Variants in MAEL observed in about 807,000 individuals in gnomAD.
MAEL encodes the protein maelstrom spermatogenic transposon silencer.
In MAEL, 46 loss-of-function variants were observed where a neutral mutation model predicts 62.0. That is an observed-to-expected ratio of 0.74 (90% CI 0.59 to 0.95). The LOEUF (loss-of-function observed/expected upper bound fraction) is 0.95. Ranked by LOEUF, MAEL falls within the 40% of genes least tolerant of loss-of-function variation. MAEL has a pLI of 0.00. For synonymous variants in MAEL, 172 were observed against 175.5 expected (o/e 0.98, Z 0.16); for missense variants, 497 against 526.8 (o/e 0.94, Z 0.55).
Position 166,989,670 on chromosome 1 carries a change from C to T in MAEL, c.133-67C>T, listed in dbSNP as rs1350119235. 2.6e-6 allele frequency: 4 copies of T among 1,518,168 alleles called. No homozygotes were observed. The East Asian group carries it at 6.8e-5, about 26-fold the overall frequency. The allele number at this position is 1,518,168 out of a possible 1,614,324, so 94.0% of individuals were successfully genotyped here. ...CCTCCCTGTAATGCCCCAGCATCTG[C>T]CTGCGGGCCCTAGAGCACGGGATCC... On this transcript the variant is annotated intron_variant, in intron 1 of 11. Coordinates refer to ENST00000367872, the MANE Select transcript of MAEL (RefSeq NM_032858.3).
At chr1:166,988,348 TAAAAAAAAAAAA>T (rs71073633), upstream of MAEL, among the ~76,000 whole-genome samples, 2 of 93,102 alleles carry the variant, frequency 2.1e-5, no homozygotes, top group Non-Finnish European at 4.3e-5. Context: ...AGACCCTGTC[TAAAAAAAAAAAA>T]AAAAAAAAAA....
upstream of MAEL, among the ~76,000 whole-genome samples, chr1:166,985,754 T>C (rs1239373041): frequency 6.6e-6 from 1 of 152,140 alleles, no homozygotes; most frequent in African/African-American, 2.4e-5. Context: ...AAATTTACAA[T>C]GACCAGCATC....
At chr1:167,020,115 G>C (rs531229574) in intron 10 of MAEL, among the ~76,000 whole-genome samples, 1 of 152,116 alleles carries the variant, frequency 6.6e-6, no homozygotes, top group South Asian at 2.1e-4. Flanking sequence ...TGCCTCCACT[G>C]TTTTATACTC....
At chr1:166,977,908 G>C (rs892668528) in intron 1 of MAEL, among the ~76,000 whole-genome samples, 41 of 152,294 alleles carry the variant, frequency 2.7e-4, no homozygotes, top group East Asian at 1.9e-3. Flanking sequence ...CTGTGACCAC[G>C]CTACTGGACT....
At position 166,992,674 on chromosome 1, in the gene MAEL, ATT is replaced by A. The variant is rs556247489; in HGVS notation, c.326-4_326-3del. 2.6e-6 allele frequency: 4 copies of A among 1,531,804 alleles called. No individual in the cohort carries two copies. Among genetic ancestry groups the A allele is most frequent in the Non-Finnish European group, 3.5e-6 (4 of 1,138,734 alleles). 94.9% of individuals were successfully genotyped at this position (1,531,804 alleles called of 1,614,324 possible). Reference sequence around the variant, plus strand: ...ATTCATTTATTCATTTTATCTTACAATTTTTTTTTAGCTCTCCTTGGAGGCAT... The same window carrying A: ...ATTCATTTATTCATTTTATCTTACAATTTTTTTAGCTCTCCTTGGAGGCAT... On this transcript the variant is annotated splice_polypyrimidine_tract_variant and intron_variant, in intron 3 of 11. Transcript: ENST00000367872.
intron 10 of MAEL, among the ~76,000 whole-genome samples, chr1:167,020,403 A>G (rs1325458311): frequency 6.6e-6 from 1 of 152,160 alleles, no homozygotes; most frequent in East Asian, 1.9e-4. Flanking sequence ...CTGGAAAGGA[A>G]CTACCACGCT....
At chr1:167,009,420 A>T (rs966559655) in intron 8 of MAEL, among the ~76,000 whole-genome samples, 1 of 151,786 alleles carries the variant, frequency 6.6e-6, no homozygotes, top group Non-Finnish European at 1.5e-5. Flanking sequence ...TAGTTATCTG[A>T]TCTTTTTGAC....
chr1:166,991,474 C>A lies in MAEL; in HGVS notation c.322C>A (p.Gln108Lys). 1.9e-6 allele frequency: 3 copies of A among 1,589,700 alleles called. No individual in the cohort carries two copies. The highest frequency in any genetic ancestry group is 2.2e-5 in the South Asian group (2 of 90,476). The change falls in exon 3 of 12, where the codon CAA (glutamine) becomes AAA (lysine). Residue 108 changes from glutamine (Q) to lysine (K), a missense_variant. Gln to Lys is a moderately conservative substitution (Grantham distance 53). Coordinates refer to ENST00000367872, the MANE Select transcript of MAEL (RefSeq NM_032858.3). ...DMSALSLKGD[Q>K]ALLGGIFYFL... Reference sequence around the variant, plus strand: ...GTCAGCTTTGTCTTTAAAAGGTGATCAAGGTAGAGTAATCCTGAAATATTT... The same window carrying A: ...GTCAGCTTTGTCTTTAAAAGGTGATAAAGGTAGAGTAATCCTGAAATATTT...
chr1:167,006,634 T>TATATATATAC (rs1405467972), intron 8 of MAEL, among the ~76,000 whole-genome samples: 1 of 93,134 alleles, frequency 1.1e-5, no homozygotes, highest in African/African-American at 3.7e-5. Flanking sequence ...TATATATATA[T>TATATATATAC]ATACATTTTT....
At chr1:166,981,496 G>C (rs1011759805) in intron 1 of MAEL, among the ~76,000 whole-genome samples, 2 of 151,900 alleles carry the variant, frequency 1.3e-5, no homozygotes, top group Admixed American at 6.6e-5. Context: ...TGTGTAGAGA[G>C]GGAGGGAGGG....
Position 166,989,437 on chromosome 1 carries a change from G to T in MAEL, c.85G>T (p.Val29Leu). Residue 29 changes from valine (V) to leucine (L), a missense_variant, in exon 1 of 12, where the codon GTG becomes TTG. Val to Leu is a conservative substitution (Grantham distance 32, BLOSUM62 1). Transcript: ENST00000367872. ...CGAACTACGGCGACGAGGCCTGCCT[G>T]TGGCTCGCGTTGCTGATGCCATCCC... The part of the protein sequence containing the change: ...IPELRRRGLP[V>L]ARVADAIPYC... 1 of 1,593,710 alleles carries T rather than the reference G, an allele frequency of 6.3e-7. No individual in the cohort carries two copies. Among genetic ancestry groups the T allele is most frequent in the Non-Finnish European group, 8.5e-7 (1 of 1,170,504 alleles).
chr1:166,995,006 C>T lies in MAEL; in HGVS notation c.523+937C>T, dbSNP rs116046328. On this transcript the variant is annotated intron_variant, in intron 5 of 11. Transcript: ENST00000367872. ...TTTTTTTTTTTTTTTTGCTTAGAAACGTGGACAGCTAGCCTCTAGAAGTGT... is the reference window on the plus strand; with the variant it reads ...TTTTTTTTTTTTTTTTGCTTAGAAATGTGGACAGCTAGCCTCTAGAAGTGT... 7.0e-3 allele frequency among the ~76,000 whole-genome samples: 764 copies of T among 109,910 alleles called. 7 individuals carry two copies. Among genetic ancestry groups the T allele is most frequent in the African/African-American group, 0.025 (723 of 28,708 alleles). 72.1% of individuals were successfully genotyped at this position (109,910 alleles called of 152,430 possible). A position where few individuals can be genotyped will look rare whatever the true frequency, so the allele number is the denominator to read the frequency against.
chr1:167,021,373 G>T (rs1665623931), intron 11 of MAEL, among the ~76,000 whole-genome samples: 1 of 152,120 alleles, frequency 6.6e-6, no homozygotes, highest in South Asian at 2.1e-4. Flanking sequence ...CTCAGAATTT[G>T]TTAGGGCATT....
intron 3 of MAEL, 38 bp from the exon 4 acceptor site, chr1:166,992,648 C>T (rs1457063919): frequency 6.9e-7 from 1 of 1,453,292 alleles, no homozygotes; most frequent in Admixed American, 2.4e-5. Context: ...AAATTTGAGA[C>T]ATTCATTTAT....
chr1:166,992,652 C>G (rs1045671682), intron 3 of MAEL, 34 bp from the exon 4 acceptor site: 1 of 1,484,342 alleles, frequency 6.7e-7, no homozygotes, highest in Non-Finnish European at 9.0e-7. Context: ...TTGAGACATT[C>G]ATTTATTCAT....
intron 10 of MAEL, among the ~76,000 whole-genome samples, chr1:167,018,355 C>T (rs1665481882): frequency 6.6e-6 from 1 of 152,176 alleles, no homozygotes; most frequent in South Asian, 2.1e-4. Context: ...CACCTTCCTT[C>T]CCTCCCTGCC....
chr1:167,002,404 C>T (rs757128082), intron 5 of MAEL, among the ~76,000 whole-genome samples: 39 of 152,230 alleles, frequency 2.6e-4, no homozygotes, highest in Non-Finnish European at 3.7e-4. Context: ...ATCCTCTTAT[C>T]GGGATCTTCT....
intron 1 of MAEL, among the ~76,000 whole-genome samples, chr1:166,982,655 CTTAA>C (rs931877633): frequency 3.9e-5 from 6 of 152,064 alleles, no homozygotes; most frequent in African/African-American, 1.4e-4. Flanking sequence ...ACACCTTATA[CTTAA>C]TTAAAAAAAA....
intron 4 of MAEL, 78 bp from the exon 5 acceptor site, chr1:166,993,950 G>T: frequency 9.8e-7 from 1 of 1,023,436 alleles, no homozygotes; most frequent in Non-Finnish European, 1.5e-6. Flanking sequence ...GTGATAACTT[G>T]GTCATCTTGT....
Sources: gnomAD v4.1 joint callset for allele counts (sites outside exome capture counted in the v4.1 genomes callset) on GRCh38, gnomAD v4.1.1 for gene constraint, MANE v1.5 for transcripts, NCBI Gene and HGNC (gene_info 2026-07-23, HGNC 2026-07-21) for gene names.